LYPLAL1: variants seen among roughly 807,000 people sequenced by gnomAD.
The protein encoded by LYPLAL1 is lysophospholipase like 1.
A neutral mutation model predicts 19.7 loss-of-function variants in LYPLAL1; 23 were observed. The observed-to-expected ratio is 1.17, with a 90% CI of 0.84 to 1.65. The LOEUF is 1.65. Ranked by LOEUF, LYPLAL1 falls within the 40% of genes most tolerant of loss-of-function variation. The pLI is 0.00. For synonymous variants in LYPLAL1, 119 were observed against 96.3 expected, an observed-to-expected ratio of 1.24 and a Z score of -1.38; for missense variants, 355 against 279.4, an observed-to-expected ratio of 1.27 and a Z score of -1.93.
chr1:219,227,904 G>A, the LYPLAL1 span, among the ~76,000 whole-genome samples: 1 of 152,142 alleles, frequency 6.6e-6, no homozygotes, highest in Non-Finnish European at 1.5e-5. Context: ...TAAAGATATT[G>A]CTTCATACAC....
the LYPLAL1 span, among the ~76,000 whole-genome samples, chr1:219,240,831 C>G: frequency 6.6e-6 from 1 of 151,820 alleles, no homozygotes; most frequent in African/African-American, 2.4e-5. Flanking sequence ...CCTGTGCACA[C>G]GGAAGACTAC....
At chr1:219,378,141 G>A in the LYPLAL1 span, among the ~76,000 whole-genome samples, 1 of 152,146 alleles carries the variant, frequency 6.6e-6, no homozygotes, top group Non-Finnish European at 1.5e-5. Flanking sequence ...AGTGTTAGCT[G>A]GATGAAGTCA....
At chr1:219,186,362 T>A (rs140393018) in intron 2 of LYPLAL1, among the ~76,000 whole-genome samples, 1 of 151,900 alleles carries the variant, frequency 6.6e-6, no homozygotes, top group Non-Finnish European at 1.5e-5. Flanking sequence ...AAATTCTGTA[T>A]ATGCTTAGTG....
chr1:219,282,737 A>G, the LYPLAL1 span, among the ~76,000 whole-genome samples: 1 of 152,200 alleles, frequency 6.6e-6, no homozygotes, highest in Non-Finnish European at 1.5e-5. Context: ...TCCAAAAAAA[A>G]TCAAATATAA....
At chr1:219,252,016 T>C in the LYPLAL1 span, among the ~76,000 whole-genome samples, 1 of 152,050 alleles carries the variant, frequency 6.6e-6, no homozygotes, top group Admixed American at 6.6e-5. Context: ...CCTAGCTGTA[T>C]TCCTAGATAT....
At chr1:219,415,684 A>T in the LYPLAL1 span, among the ~76,000 whole-genome samples, 1 of 152,302 alleles carries the variant, frequency 6.6e-6, no homozygotes, top group East Asian at 1.9e-4. Context: ...CATGGCATAA[A>T]CTGTGTGGCT....
the LYPLAL1 span, among the ~76,000 whole-genome samples, chr1:219,241,134 CTATATATATA>C: frequency 1.1e-3 from 48 of 44,372 alleles, 1 homozygote; most frequent in South Asian, 3.6e-3. Flanking sequence ...CTCTCTCTCT[CTATATATATA>C]TATATATATA....
chr1:219,307,168 A>T, the LYPLAL1 span, among the ~76,000 whole-genome samples: 2 of 152,118 alleles, frequency 1.3e-5, no homozygotes, highest in Non-Finnish European at 2.9e-5. Context: ...GGCAGAGAAA[A>T]CTAGCTGGTC....
At chr1:219,301,244 AC>A in the LYPLAL1 span, among the ~76,000 whole-genome samples, 32 of 152,336 alleles carry the variant, frequency 2.1e-4, no homozygotes, top group African/African-American at 7.7e-4. Context: ...CAAAAGAGAT[AC>A]AAAATAAATA....
At chr1:219,174,814 G>C (rs1655678041) in intron 1 of LYPLAL1, 1 of 722,000 alleles carries the variant, frequency 1.4e-6, no homozygotes, top group East Asian at 1.3e-4. Flanking sequence ...AGATGCAGCC[G>C]GTGTCCTCAG....
chr1:219,411,198 G>A, the LYPLAL1 span, among the ~76,000 whole-genome samples: 1 of 121,768 alleles, frequency 8.2e-6, no homozygotes, highest in African/African-American at 2.9e-5. Flanking sequence ...TTTAGCTCAA[G>A]GTTTGTCAGT....
chr1:219,395,758 A>G, the LYPLAL1 span, among the ~76,000 whole-genome samples: 1 of 152,094 alleles, frequency 6.6e-6, no homozygotes, highest in Non-Finnish European at 1.5e-5. Flanking sequence ...TGGGTTTTAC[A>G]TTTAAGTCCT....
chr1:219,361,620 A>G, the LYPLAL1 span, among the ~76,000 whole-genome samples: 1 of 152,234 alleles, frequency 6.6e-6, no homozygotes, highest in Admixed American at 6.5e-5. Flanking sequence ...TGTGCACAAG[A>G]AAGGTTGATC....
At chr1:219,265,868 A>AG in the LYPLAL1 span, among the ~76,000 whole-genome samples, 1 of 152,176 alleles carries the variant, frequency 6.6e-6, no homozygotes, top group South Asian at 2.1e-4. Context: ...AGCTAAACAC[A>AG]GAAAAAGTAC....
chr1:219,190,838 G>T (rs548795117), intron 2 of LYPLAL1, among the ~76,000 whole-genome samples: 1 of 151,652 alleles, frequency 6.6e-6, no homozygotes, highest in Admixed American at 6.6e-5. Context: ...TTTTAGAACA[G>T]GCAAAAGAAA....
the LYPLAL1 span, among the ~76,000 whole-genome samples, chr1:219,281,501 G>A: frequency 7.9e-5 from 12 of 152,146 alleles, no homozygotes; most frequent in African/African-American, 2.9e-4. Context: ...AGAATTGGAG[G>A]ACTTGGTTTC....
chr1:219,267,911 T>G, the LYPLAL1 span, among the ~76,000 whole-genome samples: 1 of 152,210 alleles, frequency 6.6e-6, no homozygotes, highest in African/African-American at 2.4e-5. Context: ...GAGCCCGAAA[T>G]CTATTTTAAC....
the LYPLAL1 span, among the ~76,000 whole-genome samples, chr1:219,256,423 G>A: frequency 7.3e-6 from 1 of 137,700 alleles, no homozygotes; most frequent in African/African-American, 2.6e-5. Flanking sequence ...GCTAATTTGA[G>A]CTTTGCTTCT....
the LYPLAL1 span, among the ~76,000 whole-genome samples, chr1:219,397,467 A>G: frequency 1.3e-5 from 2 of 152,086 alleles, no homozygotes; most frequent in Admixed American, 6.5e-5. Flanking sequence ...AGTTTTTTTT[A>G]GAATAATTTC....
Sources: allele counts gnomAD v4.1 joint callset (sites outside exome capture counted in the v4.1 genomes callset), GRCh38; gene constraint gnomAD v4.1.1; transcripts MANE v1.5; gene names NCBI Gene and HGNC (gene_info 2026-07-23, HGNC 2026-07-21).